EPHA3: variants seen among roughly 807,000 people sequenced by gnomAD.
The protein encoded by EPHA3 is EPH receptor A3, also known as ephrin type-A receptor 3.
A neutral mutation model predicts 107.1 loss-of-function variants in EPHA3; 42 were observed. The observed-to-expected ratio is 0.39, with a 90% confidence interval of 0.31 to 0.51. EPHA3 has a LOEUF of 0.51. Among genes scored for constraint, EPHA3 ranks in the 20% least tolerant of loss-of-function variants. The pLI is 0.78. For synonymous variants in EPHA3, 461 were observed against 424.8 expected (o/e 1.09, Z -1.05); for missense variants, 1,183 against 1,211.2 (o/e 0.98, Z 0.35).
At chr3:89,221,130 G>A (rs1208762640) in intron 3 of EPHA3, among the ~76,000 whole-genome samples, 1 of 152,246 alleles carries the variant, frequency 6.6e-6, no homozygotes, top group South Asian at 2.1e-4. Context: ...GGCAGAGAGA[G>A]GCTGAGGTAC....
chr3:89,434,357 A>T (rs1709625436), intron 13 of EPHA3, among the ~76,000 whole-genome samples: 1 of 152,162 alleles, frequency 6.6e-6, no homozygotes. Context: ...AGTTTGGATA[A>T]CAGTGGCTTG....
chr3:89,407,279 C>G lies in EPHA3; in HGVS notation c.1605C>G (p.Ile535Met), dbSNP rs1257548456. 6.2e-7 allele frequency: 1 copy of G among 1,612,724 alleles called. No individual in the cohort carries two copies. The highest frequency in any genetic ancestry group is 2.2e-5 in the East Asian group (1 of 44,846). Reference sequence around the variant, plus strand: ...TCTTCAACCTCACAGCTTTCTCCATCTCTGGTGAAAGTAGCCAAGTGGTCA... The same window carrying G: ...TCTTCAACCTCACAGCTTTCTCCATGTCTGGTGAAAGTAGCCAAGTGGTCA... ...EFETSPDSFS[I>M]SGESSQVVMI... The change falls in exon 8 of 17, where the codon ATC (isoleucine) becomes ATG (methionine). Residue 535 changes from isoleucine (I) to methionine (M), a missense_variant. Physicochemically the swap from Ile to Met is conservative, Grantham distance 10. Coordinates refer to ENST00000336596, the MANE Select transcript of EPHA3 (RefSeq NM_005233.6).
chr3:89,325,576 T>C (rs1707146993), intron 3 of EPHA3, among the ~76,000 whole-genome samples: 1 of 152,204 alleles, frequency 6.6e-6, no homozygotes, highest in South Asian at 2.1e-4. Flanking sequence ...TATCATTTCT[T>C]TTCCAGCTAT....
chr3:89,159,196 G>A (rs1704868232), intron 2 of EPHA3, among the ~76,000 whole-genome samples: 3 of 151,854 alleles, frequency 2.0e-5, no homozygotes, highest in South Asian at 2.1e-4. Flanking sequence ...TTTATTTTTA[G>A]CATCATTTCT....
At chr3:89,423,475 C>A (rs1479704055) in intron 11 of EPHA3, among the ~76,000 whole-genome samples, 2 of 151,268 alleles carry the variant, frequency 1.3e-5, no homozygotes, top group Non-Finnish European at 3.0e-5. Flanking sequence ...CACTTCATGT[C>A]ATCTTAAAAG....
chr3:89,287,011 C>G (rs934022485), intron 3 of EPHA3, among the ~76,000 whole-genome samples: 6 of 152,130 alleles, frequency 3.9e-5, no homozygotes, highest in Admixed American at 2.6e-4. Context: ...TTTATGAAAA[C>G]AGGAACATGT....
intron 3 of EPHA3, among the ~76,000 whole-genome samples, chr3:89,281,475 G>T (rs1292460781): frequency 6.6e-6 from 1 of 152,078 alleles, no homozygotes; most frequent in Non-Finnish European, 1.5e-5. Flanking sequence ...TGCTGCAGGA[G>T]GTTTTCTCCA....
Position 89,149,033 on chromosome 3 carries a change from CCAAT to C in EPHA3, c.153+21763_153+21766del, listed in dbSNP as rs1460183869. On this transcript the variant is annotated intron_variant, in intron 2 of 16. Coordinates refer to ENST00000336596, the MANE Select transcript of EPHA3 (RefSeq NM_005233.6). ...ATGCAAATTTTGAAGCCAGCGCATA[CCAAT>C]CAGAGATTATAGTTCTTCAAAAGAG... 2.4e-4 allele frequency among the ~76,000 whole-genome samples: 37 copies of C among 151,954 alleles called. No homozygotes were observed. The East Asian group carries it at 7.2e-3, about 30-fold the overall frequency.
chr3:89,416,194 T>C (rs1386419528), intron 10 of EPHA3, among the ~76,000 whole-genome samples: 18 of 151,410 alleles, frequency 1.2e-4, no homozygotes. Context: ...GCTTTTACAT[T>C]GTGCATTTTA....
intron 16 of EPHA3, among the ~76,000 whole-genome samples, chr3:89,478,166 A>T (rs1161110168): frequency 6.6e-6 from 1 of 152,124 alleles, no homozygotes; most frequent in Non-Finnish European, 1.5e-5. Flanking sequence ...GAAATTCCTT[A>T]TGTTTTTATA....
At chr3:89,427,188 T>G (rs1709473952) in intron 11 of EPHA3, among the ~76,000 whole-genome samples, 1 of 151,900 alleles carries the variant, frequency 6.6e-6, no homozygotes, top group Non-Finnish European at 1.5e-5. Context: ...GGTTGTAACA[T>G]GTATAAAAGT....
At chr3:89,446,763 G>A (rs1709884693) in intron 13 of EPHA3, among the ~76,000 whole-genome samples, 1 of 150,562 alleles carries the variant, frequency 6.6e-6, no homozygotes, top group Admixed American at 6.6e-5. Flanking sequence ...AAAGTATACT[G>A]ACATGATCCT....
rs187958598 is a variant in EPHA3 at position 89,224,958 on chromosome 3, G to A, written c.814+14438G>A. ...ATATAGACGGGAAAGGTTAAAGAGT[G>A]GCTGTGATTAGTGAGATTAGCTTTC... On this transcript the variant is annotated intron_variant, in intron 3 of 16. Coordinates refer to ENST00000336596, the MANE Select transcript of EPHA3 (RefSeq NM_005233.6). 2.6e-5 allele frequency among the ~76,000 whole-genome samples: 4 copies of A among 152,082 alleles called. No individual in the cohort carries two copies. In the East Asian group the frequency reaches 5.8e-4, roughly 22 times the overall value.
intron 8 of EPHA3, 116 bp from the exon 9 acceptor site, chr3:89,407,951 A>T: frequency 9.9e-7 from 1 of 1,014,216 alleles, no homozygotes; most frequent in South Asian, 1.6e-5. Context: ...ACTTTCACTA[A>T]AGCATTTAAT....
In EPHA3 at chr3:89,318,267, G is replaced by A. The variant is rs535641584; in HGVS notation, c.815-22649G>A. Among the ~76,000 whole-genome samples the A allele has an allele frequency of 4.3e-4, 65 of 152,012 alleles. No individual in the cohort carries two copies. In the South Asian group the frequency reaches 0.011, roughly 27 times the overall value. On this transcript the variant is annotated intron_variant, in intron 3 of 16. Transcript: ENST00000336596. ...ATGAATGGAAAGTATGCTTTCTGCA[G>A]TGAAAAGAAAACTTACTGTCTTTTT...
chr3:89,278,059 T>C (rs1173407692), intron 3 of EPHA3, among the ~76,000 whole-genome samples: 2 of 152,188 alleles, frequency 1.3e-5, no homozygotes, highest in Admixed American at 6.5e-5. Flanking sequence ...GTTTATACTT[T>C]CTGCAAGTTG....
chr3:89,431,501 A>G (rs886969096), intron 13 of EPHA3, 142 bp downstream of exon 13: 25 of 613,964 alleles, frequency 4.1e-5, no homozygotes, highest in Non-Finnish European at 6.5e-5. Context: ...AAATTAAAAT[A>G]TTATTATTTA....
intron 3 of EPHA3, among the ~76,000 whole-genome samples, chr3:89,215,674 A>C (rs977663096): frequency 3.9e-5 from 6 of 152,050 alleles, no homozygotes; most frequent in African/African-American, 1.4e-4. Flanking sequence ...CTTAAAAATC[A>C]CAAGAAGTTC....
chr3:89,162,647 A>G (rs1423332812), intron 2 of EPHA3, among the ~76,000 whole-genome samples: 5 of 152,210 alleles, frequency 3.3e-5, no homozygotes, highest in Admixed American at 2.6e-4. Flanking sequence ...TGGAAAGGAA[A>G]GAAAGGAAGC....
Sources: allele counts gnomAD v4.1 joint callset (sites outside exome capture counted in the v4.1 genomes callset), GRCh38; gene constraint gnomAD v4.1.1; transcripts MANE v1.5; gene names NCBI Gene and HGNC (gene_info 2026-07-23, HGNC 2026-07-21).